Variants in STPG2 observed in about 807,000 individuals in gnomAD.
STPG2 encodes sperm-tail PG-rich repeat-containing protein 2.
A neutral mutation model predicts 54.2 loss-of-function variants in STPG2; 56 were observed. The ratio of observed to expected loss-of-function variants is 1.03; its 90% CI spans 0.83 to 1.29. The LOEUF (loss-of-function observed/expected upper bound fraction) is 1.29. Among genes scored for constraint, STPG2 ranks in the 50% most tolerant of loss-of-function variants. The pLI, the probability that STPG2 is intolerant of heterozygous loss-of-function variation, is 0.00. For synonymous variants in STPG2, 200 were observed against 181.8 expected (o/e 1.10, Z -0.81); for missense variants, 596 against 544.9 (o/e 1.09, Z -0.93).
At chr4:97,924,683 AT>A (rs1732268320) in intron 8 of STPG2, among the ~76,000 whole-genome samples, 1 of 152,188 alleles carries the variant, frequency 6.6e-6, no homozygotes, top group African/African-American at 2.4e-5. Context: ...TTTGAAGTCA[AT>A]TTTTAAATGT....
At chr4:97,522,631 C>G (rs149515250) in intron 4 of STPG2, among the ~76,000 whole-genome samples, 3 of 151,862 alleles carry the variant, frequency 2.0e-5, no homozygotes, top group African/African-American at 7.3e-5. Context: ...TCTGACAAAC[C>G]AACCTGCAGA....
At chr4:97,917,081 A>G (rs1166840296) in intron 8 of STPG2, 1 of 152,594 alleles carries the variant, frequency 6.6e-6, no homozygotes, top group Non-Finnish European at 1.5e-5. Flanking sequence ...CAATAACTCT[A>G]TCTCCCTCTT....
At chr4:97,762,802 A>AAAAGAT (rs1164343065) in intron 9 of STPG2, among the ~76,000 whole-genome samples, 3 of 152,206 alleles carry the variant, frequency 2.0e-5, no homozygotes, top group African/African-American at 7.2e-5. Flanking sequence ...TCAGATTATG[A>AAAAGAT]AAAGATATTA....
chr4:97,726,014 A>T (rs1462385625), intron 9 of STPG2, among the ~76,000 whole-genome samples: 1 of 151,920 alleles, frequency 6.6e-6, no homozygotes, highest in Non-Finnish European at 1.5e-5. Context: ...AAAAAGTAAG[A>T]TCAAAAGGAA....
intron 10 of STPG2, among the ~76,000 whole-genome samples, chr4:97,706,758 T>C (rs1723956487): frequency 6.6e-6 from 1 of 152,158 alleles, no homozygotes; most frequent in African/African-American, 2.4e-5. Context: ...AAAAGATTTA[T>C]GAAAGTCATT....
intron 7 of STPG2, among the ~76,000 whole-genome samples, chr4:97,958,332 A>C (rs1230446426): frequency 6.6e-6 from 1 of 152,058 alleles, no homozygotes; most frequent in African/African-American, 2.4e-5. Context: ...AAGTAAAGAA[A>C]AAAACCAAGG....
At chr4:97,803,332 T>C (rs1264444116) in intron 9 of STPG2, among the ~76,000 whole-genome samples, 2 of 152,188 alleles carry the variant, frequency 1.3e-5, no homozygotes, top group Non-Finnish European at 2.9e-5. Context: ...AAATAGATGT[T>C]AAATATTTTT....
chr4:97,630,684 A>G (rs968299437), intron 10 of STPG2, among the ~76,000 whole-genome samples: 1 of 151,920 alleles, frequency 6.6e-6, no homozygotes, highest in African/African-American at 2.4e-5. Flanking sequence ...GAAAGCAGAA[A>G]TATCAAAACA....
chr4:97,864,406 G>T (rs989263780), intron 8 of STPG2, among the ~76,000 whole-genome samples: 1 of 152,130 alleles, frequency 6.6e-6, no homozygotes, highest in Non-Finnish European at 1.5e-5. Context: ...TCTCTTCAAG[G>T]AGAACTACAA....
chr4:97,943,235 C>A (rs966624682), intron 8 of STPG2, among the ~76,000 whole-genome samples: 23 of 152,104 alleles, frequency 1.5e-4, no homozygotes, highest in Non-Finnish European at 2.9e-4. Context: ...CCTCCTAATA[C>A]CATCACCTTG....
chr4:97,923,692 G>T (rs987450957), intron 8 of STPG2, among the ~76,000 whole-genome samples: 3 of 152,214 alleles, frequency 2.0e-5, no homozygotes, highest in African/African-American at 7.2e-5. Context: ...CTAAGGGATT[G>T]TGAATGCACC....
intron 8 of STPG2, among the ~76,000 whole-genome samples, chr4:97,872,449 A>G (rs1163982751): frequency 6.6e-6 from 1 of 151,274 alleles, no homozygotes; most frequent in African/African-American, 2.4e-5. Flanking sequence ...ACACACAGAA[A>G]CAAATATCCT....
intron 10 of STPG2, among the ~76,000 whole-genome samples, chr4:97,614,130 A>G (rs1733800462): frequency 6.6e-6 from 1 of 152,100 alleles, no homozygotes; most frequent in Admixed American, 6.6e-5. Context: ...TAAAAAATAT[A>G]AAATTCATTT....
chr4:98,122,976 A>G (rs1391955707), intron 3 of STPG2, among the ~76,000 whole-genome samples: 1 of 152,020 alleles, frequency 6.6e-6, no homozygotes, highest in African/African-American at 2.4e-5. Flanking sequence ...TTTGTAGTTC[A>G]TTTGCACAGA....
At position 97,460,215 on chromosome 4, in the gene STPG2, A is replaced by G. The variant is rs566786422; in HGVS notation, c.462+252484T>C. 1.9e-3 allele frequency among the ~76,000 whole-genome samples: 283 copies of G among 152,226 alleles called. 1 individual carries two copies. The highest frequency in any genetic ancestry group is 6.5e-3 in the African/African-American group (268 of 41,546). ...CTTTATACTCAGTAGGGTTTTCCCC[A>G]GAAGCCCCATTTAAAATTTCAATAT... On this transcript the variant is annotated intron_variant, in intron 4 of 4. Transcript: ENST00000522676.
chr4:97,714,005 T>C (rs1724211903), intron 9 of STPG2, among the ~76,000 whole-genome samples: 1 of 152,008 alleles, frequency 6.6e-6, no homozygotes, highest in Non-Finnish European at 1.5e-5. Context: ...TTCAGAAGAA[T>C]GGTAGTGAAT....
At chr4:97,861,568 A>C (rs1729542755) in intron 8 of STPG2, among the ~76,000 whole-genome samples, 1 of 152,174 alleles carries the variant, frequency 6.6e-6, no homozygotes, top group Non-Finnish European at 1.5e-5. Flanking sequence ...TTATGGCAGC[A>C]CTAGTCACAA....
At chr4:97,887,456 A>T (rs925377266) in intron 8 of STPG2, among the ~76,000 whole-genome samples, 3 of 152,286 alleles carry the variant, frequency 2.0e-5, no homozygotes, top group South Asian at 2.1e-4. Context: ...CCTCTTCCCT[A>T]GGGATCTATA....
intron 4 of STPG2, among the ~76,000 whole-genome samples, chr4:97,442,181 A>T (rs1296544801): frequency 1.3e-5 from 2 of 151,466 alleles, no homozygotes; most frequent in African/African-American, 4.9e-5. Flanking sequence ...ACTGCACAGA[A>T]TTTTTTCTGG....
Sources: allele counts gnomAD v4.1 joint callset (sites outside exome capture counted in the v4.1 genomes callset), GRCh38; gene constraint gnomAD v4.1.1; transcripts MANE v1.5; gene names NCBI Gene and HGNC (gene_info 2026-07-23, HGNC 2026-07-21).